Variants in RABGAP1L observed in about 807,000 individuals in gnomAD.
RABGAP1L encodes RAB GTPase activating protein 1 like.
In RABGAP1L, 63 loss-of-function variants were observed where a neutral mutation model predicts 137.7. That is an observed-to-expected ratio of 0.46 (90% confidence interval 0.37 to 0.56). The LOEUF (loss-of-function observed/expected upper bound fraction) is 0.56, where lower values mean the gene tolerates loss of function less well. Ranked by LOEUF, RABGAP1L falls within the 20% of genes least tolerant of loss-of-function variation. The probability of loss-of-function intolerance (pLI) is 0.00; values close to 1 mark genes in which losing one functional copy is unlikely to be tolerated. For missense variants in RABGAP1L, 1,095 were observed against 1,244.0 expected, an observed-to-expected ratio of 0.88 and a Z score of 1.80; for synonymous variants, 431 against 433.7, an observed-to-expected ratio of 0.99 and a Z score of 0.08.
chr1:174,183,465 GT>G (rs1343418307), intron 1 of RABGAP1L, among the ~76,000 whole-genome samples: 2 of 152,164 alleles, frequency 1.3e-5, no homozygotes, highest in Non-Finnish European at 2.9e-5. Flanking sequence ...TTTTAAAGCA[GT>G]TTTAGGCCCA....
chr1:174,414,299 T>G (rs973295298), intron 13 of RABGAP1L, among the ~76,000 whole-genome samples: 1 of 152,156 alleles, frequency 6.6e-6, no homozygotes, highest in Non-Finnish European at 1.5e-5. Flanking sequence ...CAAACTCATG[T>G]TGTTCAAGGG....
chr1:174,538,469 C>G (rs758957867), intron 13 of RABGAP1L, among the ~76,000 whole-genome samples: 5 of 152,148 alleles, frequency 3.3e-5, no homozygotes, highest in Non-Finnish European at 5.9e-5. Context: ...CTGTAAATGT[C>G]TACTGAATTG....
intron 12 of RABGAP1L, among the ~76,000 whole-genome samples, chr1:174,377,173 C>T (rs1210966506): frequency 1.3e-5 from 2 of 151,996 alleles, no homozygotes; most frequent in Non-Finnish European, 2.9e-5. Context: ...CTTTGACATA[C>T]TAGAAAACAG....
chr1:174,447,890 G>GCCCCCC (rs11321562), intron 13 of RABGAP1L, among the ~76,000 whole-genome samples: 29 of 69,626 alleles, frequency 4.2e-4, no homozygotes, highest in East Asian at 1.2e-3. Context: ...ACCCCTTACC[G>GCCCCCC]CCCCCCCCCC....
chr1:174,865,686 A>C (rs1251876465), intron 19 of RABGAP1L, among the ~76,000 whole-genome samples: 1 of 152,152 alleles, frequency 6.6e-6, no homozygotes, highest in Non-Finnish European at 1.5e-5. Flanking sequence ...CTGTGGTCCC[A>C]CCCACTCGGG....
At chr1:174,677,425 A>C (rs1477522687) in intron 14 of RABGAP1L, among the ~76,000 whole-genome samples, 1 of 152,206 alleles carries the variant, frequency 6.6e-6, no homozygotes, top group African/African-American at 2.4e-5. Context: ...CTCTGTTACA[A>C]ATTACTGGAG....
At chr1:174,432,990 T>C (rs1243118590) in intron 13 of RABGAP1L, among the ~76,000 whole-genome samples, 1 of 152,238 alleles carries the variant, frequency 6.6e-6, no homozygotes, top group Non-Finnish European at 1.5e-5. Flanking sequence ...GAAATCTTAC[T>C]GATGGTAAAA....
At chr1:174,550,836 G>A (rs890074268) in intron 13 of RABGAP1L, among the ~76,000 whole-genome samples, 10 of 115,442 alleles carry the variant, frequency 8.7e-5, no homozygotes, top group Non-Finnish European at 1.7e-4. Context: ...TGGCTAACAC[G>A]GTGAAACCCC....
At position 174,993,489 on chromosome 1, in the gene RABGAP1L, T is replaced by C. The variant is rs1672187414; in HGVS notation, c.*3488T>C. 1 of 152,242 alleles carries C rather than the reference T, an allele frequency of 6.6e-6. No individual in the cohort carries two copies. The highest frequency in any genetic ancestry group is 2.1e-4 in the South Asian group (1 of 4,832). 9.4% of individuals were successfully genotyped at this position (152,242 alleles called of 1,614,324 possible). Reference sequence around the variant, plus strand: ...ATTTTCCAGTTAATAACTAGTTGCTTTATTTCCTAGCTGAAGTGAGAAAAC... The same window carrying C: ...ATTTTCCAGTTAATAACTAGTTGCTCTATTTCCTAGCTGAAGTGAGAAAAC... On this transcript the variant is annotated 3_prime_UTR_variant, in exon 26 of 26. Transcript: ENST00000681986.
chr1:174,887,513 T>C (rs1331371349), intron 19 of RABGAP1L, among the ~76,000 whole-genome samples: 1 of 151,932 alleles, frequency 6.6e-6, no homozygotes, highest in Admixed American at 6.6e-5. Context: ...CTTCCAAAGG[T>C]AATTAAGAAA....
intron 10 of RABGAP1L, among the ~76,000 whole-genome samples, chr1:174,296,127 A>G (rs1027499397): frequency 6.6e-6 from 1 of 152,170 alleles, no homozygotes; most frequent in Non-Finnish European, 1.5e-5. Context: ...AAGAGAGGAA[A>G]TAGTTTCCAG....
At position 174,219,264 on chromosome 1, in the gene RABGAP1L, C is replaced by G; in HGVS notation, c.107C>G (p.Ser36Cys). 2 of 1,579,320 alleles carry G rather than the reference C, an allele frequency of 1.3e-6. No individual in the cohort carries two copies. Among genetic ancestry groups the G allele is most frequent in the Non-Finnish European group, 1.7e-6 (2 of 1,162,410 alleles). ...GTTCCTCAGTATGCAGATGATAATT[C>G]TACAAAACATGAAGAAAAACCTCAA... Reference protein sequence around the residue: ...VLVPQYADDNSTKHEEKPQLK... With the variant: ...VLVPQYADDNCTKHEEKPQLK... The change falls in exon 2 of 26, where the codon TCT becomes TGT. Residue 36 changes from serine to cysteine, a missense_variant. Physicochemically the swap from Ser to Cys is moderately radical, Grantham distance 112. This residue lies in a region of RABGAP1L where 356 missense variants were observed against 326.3 expected (regional missense o/e 1.09). Coordinates refer to ENST00000681986, the MANE Select transcript of RABGAP1L (RefSeq NM_001366446.1).
chr1:174,199,552 A>G (rs1039654603), intron 1 of RABGAP1L, among the ~76,000 whole-genome samples: 3 of 152,164 alleles, frequency 2.0e-5, no homozygotes, highest in African/African-American at 7.2e-5. Flanking sequence ...TTGGCTTCCC[A>G]AAGTGCTGGG....
At position 174,248,998 on chromosome 1, in the gene RABGAP1L, C is replaced by G. The variant is rs1340346777; in HGVS notation, c.718-1477C>G. Among the ~76,000 whole-genome samples, 4 of 152,094 alleles carry G rather than the reference C, an allele frequency of 2.6e-5. No homozygotes were observed. The East Asian group carries it at 7.7e-4, about 29-fold the overall frequency. On this transcript the variant is annotated intron_variant, in intron 5 of 25. Coordinates refer to ENST00000681986, the MANE Select transcript of RABGAP1L (RefSeq NM_001366446.1). Reference sequence around the variant, plus strand: ...GAGAATCTTTGGTGCTTCAAGCTCACAAGTTTGTGATGATCTGATGCTTCT... The same window carrying G: ...GAGAATCTTTGGTGCTTCAAGCTCAGAAGTTTGTGATGATCTGATGCTTCT...
At chr1:174,657,717 T>C (rs145039245) in intron 14 of RABGAP1L, among the ~76,000 whole-genome samples, 250 of 152,340 alleles carry the variant, frequency 1.6e-3, no homozygotes, top group African/African-American at 5.7e-3. Flanking sequence ...CAGATATCCC[T>C]TCAACATCTT....
At chr1:174,437,365 A>G (rs567535112) in intron 13 of RABGAP1L, among the ~76,000 whole-genome samples, 80 of 152,334 alleles carry the variant, frequency 5.3e-4, no homozygotes, top group African/African-American at 1.9e-3. Context: ...AATGCAGGGA[A>G]GTCCTTAAAG....
intron 16 of RABGAP1L, chr1:174,701,021 G>A: frequency 1.6e-6 from 2 of 1,282,516 alleles, no homozygotes; most frequent in South Asian, 1.3e-5. Flanking sequence ...GTACCTAATG[G>A]GCACATTTGG....
chr1:174,945,040 T>A (rs1666511065), intron 19 of RABGAP1L, among the ~76,000 whole-genome samples: 1 of 152,212 alleles, frequency 6.6e-6, no homozygotes. Flanking sequence ...AGTTAACACT[T>A]GATAATAATA....
chr1:174,788,192 G>A (rs573953030), intron 18 of RABGAP1L, among the ~76,000 whole-genome samples: 3 of 152,296 alleles, frequency 2.0e-5, no homozygotes, highest in South Asian at 2.1e-4. Flanking sequence ...TTAGACTTGC[G>A]ACGAAAGTAA....
Sources: gnomAD v4.1 joint callset for allele counts (sites outside exome capture counted in the v4.1 genomes callset) on GRCh38, gnomAD v4.1.1 for gene constraint, gnomAD v4.1.1 regional missense constraint, MANE v1.5 for transcripts, NCBI Gene and HGNC (gene_info 2026-07-23, HGNC 2026-07-21) for gene names.